The following VWF variants were observed in gnomAD, a reference collection of about 807,000 sequenced individuals.
VWF encodes the protein von Willebrand factor, also known as Factor VIII related antigen.
In VWF, 176 loss-of-function variants were observed where a neutral mutation model predicts 308.6. The ratio of observed to expected loss-of-function variants is 0.57; its 90% confidence interval spans 0.50 to 0.65. The LOEUF (loss-of-function observed/expected upper bound fraction) is 0.65. Among genes scored for constraint, VWF ranks in the 30% least tolerant of loss-of-function variants. The pLI is 0.00. For missense variants in VWF, 3,146 were observed against 3,648.2 expected, an observed-to-expected ratio of 0.86 and a Z score of 3.55; for synonymous variants, 1,385 against 1,443.4, an observed-to-expected ratio of 0.96 and a Z score of 0.92.
At chr12:6,092,616 A>AGAGAGAGAGAGAGAGAGAGAGAGT (rs1555073710) in intron 6 of VWF, among the ~76,000 whole-genome samples, 1 of 96,622 alleles carries the variant, frequency 1.0e-5, no homozygotes, top group African/African-American at 5.4e-5. Flanking sequence ...TGAGTGAGTG[A>AGAGAGAGAGAGAGAGAGAGAGAGT]GAGTGTGTGT....
chr12:6,092,628 T>TGA (rs1565386731), intron 6 of VWF, among the ~76,000 whole-genome samples: 24 of 80,246 alleles, frequency 3.0e-4, no homozygotes, highest in Middle Eastern at 5.7e-3. Flanking sequence ...AGTGTGTGTG[T>TGA]GTGTGTGTGT....
chr12:6,045,222 C>T (rs1452185244), intron 17 of VWF, among the ~76,000 whole-genome samples: 2 of 152,330 alleles, frequency 1.3e-5, no homozygotes, highest in Middle Eastern at 3.4e-3. Context: ...TGATACAGCA[C>T]CTTTCTTTCC....
At chr12:5,974,756 C>T (rs768808719) in intron 43 of VWF, among the ~76,000 whole-genome samples, 57 of 152,302 alleles carry the variant, frequency 3.7e-4, no homozygotes, top group Middle Eastern at 3.4e-3. Flanking sequence ...CTGGAGCAGA[C>T]GGACAGAAAT....
intron 31 of VWF, among the ~76,000 whole-genome samples, chr12:6,015,171 T>G (rs1944042071): frequency 6.6e-6 from 1 of 152,196 alleles, no homozygotes; most frequent in Non-Finnish European, 1.5e-5. Context: ...ATTCATTCAC[T>G]CAACAAACGT....
intron 5 of VWF, among the ~76,000 whole-genome samples, chr12:6,108,566 T>G (rs1945269861): frequency 6.6e-6 from 1 of 150,912 alleles, no homozygotes; most frequent in South Asian, 2.1e-4. Flanking sequence ...ACATTATTTT[T>G]GGGCATACAT....
intron 48 of VWF, among the ~76,000 whole-genome samples, chr12:5,952,972 T>C (rs1485551392): frequency 6.6e-6 from 1 of 152,130 alleles, no homozygotes; most frequent in African/African-American, 2.4e-5. Flanking sequence ...CTCACACCTG[T>C]AATCCCAGCA....
intron 12 of VWF, 121 bp downstream of exon 12, chr12:6,064,125 C>A: frequency 6.6e-7 from 1 of 1,522,654 alleles, no homozygotes; most frequent in Non-Finnish European, 9.0e-7. Context: ...AAATAACTCT[C>A]CATCACATTC....
intron 38 of VWF, among the ~76,000 whole-genome samples, chr12:5,989,795 G>A (rs1943717939): frequency 6.6e-6 from 1 of 152,176 alleles, no homozygotes; most frequent in Admixed American, 6.5e-5. Context: ...CAGAAATGCT[G>A]CAAACTTGAG....
At chr12:6,107,653 A>AAT (rs1051159057) in intron 5 of VWF, among the ~76,000 whole-genome samples, 20 of 151,236 alleles carry the variant, frequency 1.3e-4, no homozygotes, top group South Asian at 6.3e-4. Flanking sequence ...AGAAAGATTC[A>AAT]ATATATATAT....
Position 6,072,337 on chromosome 12 carries a change from T to C in VWF, c.1103A>G (p.Asn368Ser). The change falls in exon 9 of 52, where the codon AAC becomes AGC. Residue 368 changes from asparagine to serine, a missense_variant. Asn to Ser is a conservative substitution (Grantham distance 46, BLOSUM62 1). Around this residue, in one of 3 missense-constraint regions of VWF, gnomAD observed 1,304 missense variants for 1,353.0 expected, o/e 0.96. Transcript: ENST00000261405. Reference protein sequence around the residue: ...PPGTSLSRDCNTCICRNSQWI... With the variant: ...PPGTSLSRDCSTCICRNSQWI... Reference sequence around the variant, plus strand: ...GCTGCGCAGCCCCCATTACCAGGTGTTGCAGTCTCGAGAGAGGGAGGTGCC... The same window carrying C: ...GCTGCGCAGCCCCCATTACCAGGTGCTGCAGTCTCGAGAGAGGGAGGTGCC... 1 of 1,613,732 alleles carries C rather than the reference T, an allele frequency of 6.2e-7. No individual in the cohort carries two copies. Among genetic ancestry groups the C allele is most frequent in the Non-Finnish European group, 8.5e-7 (1 of 1,179,806 alleles).
intron 40 of VWF, among the ~76,000 whole-genome samples, chr12:5,984,485 T>C (rs574844109): frequency 1.3e-5 from 2 of 152,396 alleles, no homozygotes; most frequent in East Asian, 3.9e-4. Context: ...TGTACAAGCC[T>C]GTGCTTTAGG....
intron 41 of VWF, 92 bp downstream of exon 41, chr12:5,983,058 C>G: frequency 7.8e-7 from 1 of 1,281,270 alleles, no homozygotes; most frequent in Non-Finnish European, 1.1e-6. Flanking sequence ...CAGGAAATGA[C>G]GTGATCTTGG....
At chr12:6,074,687 C>T (rs139319987) in intron 7 of VWF, among the ~76,000 whole-genome samples, 13 of 152,158 alleles carry the variant, frequency 8.5e-5, no homozygotes, top group African/African-American at 3.1e-4. Context: ...ACTGCTTATC[C>T]GTCTGCATGG....
At chr12:5,982,030 G>A (rs1410392909) in intron 41 of VWF, 39 bp from the exon 42 acceptor site, 3 of 1,592,978 alleles carry the variant, frequency 1.9e-6, no homozygotes, top group East Asian at 4.5e-5. Context: ...ACTGCGCCCA[G>A]CCAGGGCTCG....
intron 44 of VWF, among the ~76,000 whole-genome samples, chr12:5,971,277 C>T (rs1419546807): frequency 1.3e-5 from 2 of 152,238 alleles, no homozygotes; most frequent in Admixed American, 6.5e-5. Context: ...CAGCCTGTGG[C>T]ACTTTGGAGG....
At chr12:5,961,477 A>AG (rs144393559) in intron 47 of VWF, among the ~76,000 whole-genome samples, 4,692 of 152,194 alleles carry the variant, frequency 0.031, 240 homozygotes, top group African/African-American at 0.11. Context: ...CAGTTTGATA[A>AG]CAAGAAAAAC....
chr12:6,110,519 C>T lies in VWF; in HGVS notation c.387G>A (p.Leu129=). Reference sequence around the variant, plus strand: ...CCACAAAGCCATAGGCCTCACCGGACAGCTTGTAGTACCCAGCCTCAGTTT... The same window carrying T: ...CCACAAAGCCATAGGCCTCACCGGATAGCTTGTAGTACCCAGCCTCAGTTT... ...YLETEAGYYK[L]SGEAYGFVAR... Residue 129 remains leucine (L), a synonymous_variant, in exon 5 of 52, where the codon CTG becomes CTA. Transcript: ENST00000261405. The T allele has an allele frequency of 6.2e-7, 1 of 1,614,182 alleles. No homozygotes were observed. The highest frequency in any genetic ancestry group is 8.5e-7 in the Non-Finnish European group (1 of 1,180,034).
rs1167099752 is a variant in VWF at position 6,103,413 on chromosome 12, CACGT to C, written c.532+6957_532+6960del. Among the ~76,000 whole-genome samples, 10 of 116,744 alleles carry C rather than the reference CACGT, an allele frequency of 8.6e-5. 1 individual carries two copies. The highest frequency in any genetic ancestry group is 5.8e-4 in the African/African-American group (10 of 17,302). The allele number at this position is 116,744 out of a possible 152,430, so 76.6% of individuals were successfully genotyped here. ...GTGTGTATACACGTGTGTGTATACA[CACGT>C]GTGTGTATACACACGTGTGTATATA... On this transcript the variant is annotated intron_variant, in intron 5 of 51. Transcript: ENST00000261405.
At position 6,023,747 on chromosome 12, in the gene VWF, G is replaced by A; in HGVS notation, c.3263C>T (p.Thr1088Ile). ...EPYLDVCIYDTCSCESIGDCA... is the reference protein window; with the variant it reads ...EPYLDVCIYDICSCESIGDCA... ...GTCCCCAATGGACTCACAGGAGCAG[G>A]TGTCGTAAATGCAGACATCCAGATA... Residue 1088 changes from threonine to isoleucine, a missense_variant, in exon 25 of 52, where the codon ACC becomes ATC. By Grantham distance (89) the Thr-to-Ile change is moderately conservative (BLOSUM62 -1). Coordinates refer to ENST00000261405, the MANE Select transcript of VWF (RefSeq NM_000552.5). 1.2e-6 allele frequency: 2 copies of A among 1,613,454 alleles called. No individual in the cohort carries two copies. The highest frequency in any genetic ancestry group is 1.7e-4 in the Middle Eastern group (1 of 6,018).
Sources: allele counts gnomAD v4.1 joint callset (sites outside exome capture counted in the v4.1 genomes callset), GRCh38; gene constraint gnomAD v4.1.1; regional missense constraint gnomAD v4.1.1; transcripts MANE v1.5; gene names NCBI Gene and HGNC (gene_info 2026-07-23, HGNC 2026-07-21).